ZFAND3: variants seen among roughly 807,000 people sequenced by gnomAD.
ZFAND3 encodes zinc finger AN1-type containing 3.
ZFAND3 carries 10 observed loss-of-function variants against 29.6 expected under a neutral mutation model. The observed-to-expected ratio is 0.34, with a 90% CI of 0.21 to 0.57. The LOEUF is 0.57. Among genes scored for constraint, ZFAND3 ranks in the 20% least tolerant of loss-of-function variants. The probability of loss-of-function intolerance (pLI) is 0.86; values close to 1 mark genes in which losing one functional copy is unlikely to be tolerated. For missense variants in ZFAND3, 230 were observed against 304.5 expected, an observed-to-expected ratio of 0.76 and a Z score of 1.82; for synonymous variants, 128 against 112.6, an observed-to-expected ratio of 1.14 and a Z score of -0.87.
At chr6:38,065,257 G>C (rs1469705180) in intron 3 of ZFAND3, among the ~76,000 whole-genome samples, 1 of 151,868 alleles carries the variant, frequency 6.6e-6, no homozygotes, top group East Asian at 1.9e-4. Context: ...TGAGGTTGCA[G>C]TGAGCCGAGA....
chr6:37,939,816 C>T (rs1265473194), intron 2 of ZFAND3, among the ~76,000 whole-genome samples: 2 of 151,978 alleles, frequency 1.3e-5, no homozygotes, highest in South Asian at 2.1e-4. Flanking sequence ...CTTAGGCGGG[C>T]GGATCACGAG....
intron 3 of ZFAND3, among the ~76,000 whole-genome samples, chr6:38,070,589 C>T (rs561007914): frequency 6.6e-6 from 1 of 152,222 alleles, no homozygotes; most frequent in Admixed American, 6.5e-5. Flanking sequence ...TCTCTACTCT[C>T]TTCTCTGGAG....
At chr6:37,934,721 C>G (rs1761664512) in intron 2 of ZFAND3, among the ~76,000 whole-genome samples, 1 of 151,036 alleles carries the variant, frequency 6.6e-6, no homozygotes, top group South Asian at 2.1e-4. Context: ...TGCCTGTAGT[C>G]CCAGCTACTC....
intron 2 of ZFAND3, among the ~76,000 whole-genome samples, chr6:38,023,108 A>G (rs185223317): frequency 1.3e-5 from 2 of 152,316 alleles, no homozygotes; most frequent in Non-Finnish European, 2.9e-5. Context: ...GCGTTTGGTA[A>G]TACCTTTCAA....
chr6:38,146,016 G>T (rs1766098973), intron 5 of ZFAND3, among the ~76,000 whole-genome samples: 1 of 152,140 alleles, frequency 6.6e-6, no homozygotes, highest in Non-Finnish European at 1.5e-5. Flanking sequence ...TGTGTCTTTG[G>T]TAGCAACAGT....
chr6:37,820,637 T>C (rs150098837), intron 1 of ZFAND3, among the ~76,000 whole-genome samples: 4 of 152,294 alleles, frequency 2.6e-5, no homozygotes, highest in Admixed American at 6.5e-5. Flanking sequence ...TCAGGAGATA[T>C]GTAAAATTTC....
intron 5 of ZFAND3, among the ~76,000 whole-genome samples, chr6:38,124,190 G>T (rs1765586154): frequency 6.6e-6 from 1 of 152,204 alleles, no homozygotes; most frequent in Non-Finnish European, 1.5e-5. Context: ...GTGCTGACTG[G>T]TGTATTTGCA....
intron 5 of ZFAND3, among the ~76,000 whole-genome samples, chr6:38,125,095 A>G (rs1765610556): frequency 6.6e-6 from 1 of 152,216 alleles, no homozygotes; most frequent in Non-Finnish European, 1.5e-5. Flanking sequence ...TATATATGTG[A>G]GAGCTAAGGG....
rs543359766 is a variant in ZFAND3, at chr6:38,086,283, G to A, written c.361+3826G>A. ...TTAAAAAAAAATAAAAAAGCAACAC[G>A]ATGATCATTTTGGTATTTAAACAGA... is the stretch of plus-strand genomic sequence containing the variant. On this transcript the variant is annotated intron_variant, in intron 4 of 5. Transcript: ENST00000287218. Among the ~76,000 whole-genome samples the A allele has an allele frequency of 5.3e-5, 8 of 152,200 alleles. No homozygotes were observed. The South Asian group carries it at 1.5e-3, about 28-fold the overall frequency.
intron 5 of ZFAND3, among the ~76,000 whole-genome samples, chr6:38,128,325 C>A (rs1765676159): frequency 6.6e-6 from 1 of 152,064 alleles, no homozygotes; most frequent in South Asian, 2.1e-4. Context: ...TCCTGTGATT[C>A]CCCTCTTTTA....
chr6:38,127,180 C>T (rs1765651680), intron 5 of ZFAND3, among the ~76,000 whole-genome samples: 1 of 152,124 alleles, frequency 6.6e-6, no homozygotes, highest in African/African-American at 2.4e-5. Flanking sequence ...AGGTAGAAAA[C>T]ATTGCATTTC....
chr6:37,914,672 C>CCTTTTTTTTTTTTT (rs1554157829), intron 1 of ZFAND3, among the ~76,000 whole-genome samples: 1 of 114,210 alleles, frequency 8.8e-6, no homozygotes, highest in African/African-American at 3.6e-5. Context: ...CTTTTTTTTT[C>CCTTTTTTTTTTTTT]TTTTTTTTTT....
intron 1 of ZFAND3, among the ~76,000 whole-genome samples, chr6:37,827,983 G>A (rs1561902373): frequency 6.6e-6 from 1 of 152,168 alleles, no homozygotes; most frequent in Admixed American, 6.5e-5. Context: ...GAGTGAGGTT[G>A]GTGATGTACT....
intron 2 of ZFAND3, among the ~76,000 whole-genome samples, chr6:37,935,943 A>G (rs1307483418): frequency 6.6e-6 from 1 of 152,236 alleles, no homozygotes; most frequent in African/African-American, 2.4e-5. Flanking sequence ...TCTAATGAAT[A>G]TTCCTGCCTC....
In ZFAND3 at chr6:38,142,677, G is replaced by T. The variant is rs909987511; in HGVS notation, c.530-9558G>T. 2.6e-5 allele frequency among the ~76,000 whole-genome samples: 4 copies of T among 152,306 alleles called. No individual in the cohort carries two copies. The East Asian group carries it at 7.7e-4, about 29-fold the overall frequency. On this transcript the variant is annotated intron_variant, in intron 5 of 5. Coordinates refer to ENST00000287218, the MANE Select transcript of ZFAND3 (RefSeq NM_021943.3). ...CGTACCAGCACAGCACTCTTCCCCT[G>T]AGAGCCGTGTAGAGGCTGGAGGAGG...
At chr6:38,041,660 T>C (rs909662781) in intron 2 of ZFAND3, among the ~76,000 whole-genome samples, 3 of 22,412 alleles carry the variant, frequency 1.3e-4, no homozygotes, top group Admixed American at 6.0e-4. Context: ...TTCTTCTTCT[T>C]CTTCTTCTTC....
intron 2 of ZFAND3, among the ~76,000 whole-genome samples, chr6:38,057,981 A>G (rs1366203480): frequency 2.0e-5 from 3 of 152,154 alleles, no homozygotes; most frequent in Non-Finnish European, 4.4e-5. Context: ...TAGAAGGAGT[A>G]TGGGTTAAAA....
chr6:38,015,151 T>C (rs1763232235), intron 2 of ZFAND3, among the ~76,000 whole-genome samples: 1 of 152,234 alleles, frequency 6.6e-6, no homozygotes, highest in Non-Finnish European at 1.5e-5. Flanking sequence ...TTTTATATTA[T>C]AACTCTGCCC....
intron 5 of ZFAND3, among the ~76,000 whole-genome samples, chr6:38,119,936 T>A (rs555053908): frequency 6.6e-6 from 1 of 152,208 alleles, no homozygotes; most frequent in Non-Finnish European, 1.5e-5. Context: ...ATACGAATTC[T>A]CCTCTGCCTC....
Sources: gnomAD v4.1 joint callset for allele counts (sites outside exome capture counted in the v4.1 genomes callset) on GRCh38, gnomAD v4.1.1 for gene constraint, MANE v1.5 for transcripts, NCBI Gene and HGNC (gene_info 2026-07-23, HGNC 2026-07-21) for gene names.